Variants in NRXN1 observed in about 807,000 individuals in gnomAD.
NRXN1 encodes neurexin 1.
NRXN1 carries 39 observed loss-of-function variants against 150.9 expected under a neutral mutation model. The observed-to-expected ratio is 0.26, with a 90% CI of 0.20 to 0.34. The LOEUF (loss-of-function observed/expected upper bound fraction) is 0.34, where lower values mean the gene tolerates loss of function less well. NRXN1 is among the 10% of genes least tolerant of loss of function. The pLI is 1.00. For synonymous variants in NRXN1, 924 were observed against 757.0 expected, an observed-to-expected ratio of 1.22 and a Z score of -3.62; for missense variants, 1,815 against 1,949.9, an observed-to-expected ratio of 0.93 and a Z score of 1.30.
At chr2:50,261,250 T>C (rs1238519660) in intron 17 of NRXN1, among the ~76,000 whole-genome samples, 1 of 151,772 alleles carries the variant, frequency 6.6e-6, no homozygotes, top group East Asian at 1.9e-4. Flanking sequence ...AGGCCAAATT[T>C]GACCCTGAAA....
chr2:50,592,458 G>C (rs1054923009), intron 8 of NRXN1, among the ~76,000 whole-genome samples: 2 of 152,210 alleles, frequency 1.3e-5, no homozygotes, highest in African/African-American at 4.8e-5. Flanking sequence ...TCTATGAGCT[G>C]AGAGACAGTC....
intron 17 of NRXN1, among the ~76,000 whole-genome samples, chr2:50,271,835 G>C (rs1449848189): frequency 1.1e-4 from 17 of 151,826 alleles, no homozygotes; most frequent in Non-Finnish European, 2.5e-4. Flanking sequence ...TTTTTAAAAA[G>C]ACAAGAGAAA....
At chr2:50,807,573 G>A (rs1364752434) in intron 5 of NRXN1, among the ~76,000 whole-genome samples, 3 of 152,118 alleles carry the variant, frequency 2.0e-5, no homozygotes, top group Non-Finnish European at 2.9e-5. Flanking sequence ...CTTGTTAACA[G>A]TGTTTCCCCA....
At chr2:50,189,969 T>C (rs962718651) in intron 18 of NRXN1, among the ~76,000 whole-genome samples, 1 of 152,136 alleles carries the variant, frequency 6.6e-6, no homozygotes, top group Non-Finnish European at 1.5e-5. Context: ...CAATATACAA[T>C]CATCTTGAAT....
chr2:50,213,790 T>A (rs1177794381), intron 18 of NRXN1, among the ~76,000 whole-genome samples: 1 of 151,942 alleles, frequency 6.6e-6, no homozygotes, highest in East Asian at 1.9e-4. Context: ...TGGTTTCAAC[T>A]TTTTTCATCA....
At chr2:50,329,199 GA>G (rs2076582891) in intron 17 of NRXN1, among the ~76,000 whole-genome samples, 1 of 152,060 alleles carries the variant, frequency 6.6e-6, no homozygotes, top group Non-Finnish European at 1.5e-5. Flanking sequence ...CATCAATAAA[GA>G]ATTCTTGCAA....
chr2:50,364,436 A>G (rs1417252554), intron 17 of NRXN1, among the ~76,000 whole-genome samples: 2 of 152,288 alleles, frequency 1.3e-5, no homozygotes, highest in East Asian at 3.9e-4. Flanking sequence ...GTTTTGGAGC[A>G]TGTGTGATCC....
chr2:50,591,381 C>CAGGT (rs70948721), intron 8 of NRXN1, among the ~76,000 whole-genome samples: 4 of 134,722 alleles, frequency 3.0e-5, no homozygotes, highest in African/African-American at 8.3e-5. Context: ...CACTATATAT[C>CAGGT]AGATAGATAG....
chr2:50,156,426 CT>C (rs1329782130), intron 18 of NRXN1, among the ~76,000 whole-genome samples: 1 of 151,846 alleles, frequency 6.6e-6, no homozygotes, highest in Non-Finnish European at 1.5e-5. Flanking sequence ...CATTGTTTGA[CT>C]TTTCTTACTT....
chr2:50,010,041 G>A (rs17494124), intron 21 of NRXN1, among the ~76,000 whole-genome samples: 71,264 of 151,460 alleles, frequency 0.47, 17,353 homozygotes, highest in Middle Eastern at 0.61. Flanking sequence ...CATAGCAGAC[G>A]ATACAACTAC....
intron 17 of NRXN1, among the ~76,000 whole-genome samples, chr2:50,310,251 T>G (rs1014395847): frequency 5.3e-5 from 8 of 152,200 alleles, no homozygotes; most frequent in Admixed American, 5.2e-4. Context: ...ATAAGTTAAC[T>G]GACCACTTGG....
At chr2:50,616,425 C>T (rs1679065873) in intron 8 of NRXN1, 2 of 152,048 alleles carry the variant, frequency 1.3e-5, no homozygotes, top group African/African-American at 4.8e-5. Flanking sequence ...AGGGAAAGAC[C>T]TAAGTTGCTT....
chr2:50,465,620 C>A, intron 16 of NRXN1, 59 bp from the exon 17 acceptor site: 1 of 1,528,768 alleles, frequency 6.5e-7, no homozygotes. Context: ...GCATTTTATA[C>A]ATGAGCTAGA....
At chr2:50,806,824 T>C (rs1214818815) in intron 5 of NRXN1, among the ~76,000 whole-genome samples, 1 of 152,182 alleles carries the variant, frequency 6.6e-6, no homozygotes, top group African/African-American at 2.4e-5. Flanking sequence ...AAATACATAA[T>C]TTGAAACTTG....
intron 17 of NRXN1, among the ~76,000 whole-genome samples, chr2:50,388,099 G>A (rs375377876): frequency 9.9e-5 from 15 of 152,232 alleles, no homozygotes; most frequent in African/African-American, 3.4e-4. Flanking sequence ...TACATGCTGA[G>A]TAAACCATTT....
intron 5 of NRXN1, among the ~76,000 whole-genome samples, chr2:50,796,862 G>A (rs998739937): frequency 1.2e-4 from 18 of 152,226 alleles, no homozygotes; most frequent in Admixed American, 1.1e-3. Flanking sequence ...GAAATTTATT[G>A]TTCTCAGTTT....
intron 5 of NRXN1, among the ~76,000 whole-genome samples, chr2:50,897,525 TAAGTG>T (rs1682184477): frequency 6.6e-6 from 1 of 152,212 alleles, no homozygotes; most frequent in African/African-American, 2.4e-5. Flanking sequence ...GAACATGATT[TAAGTG>T]AAGAAATAAA....
At position 50,959,210 on chromosome 2, in the gene NRXN1, A is replaced by T. The variant is rs141121303; in HGVS notation, c.773-33255T>A. On this transcript the variant is annotated intron_variant, in intron 2 of 22. Transcript: ENST00000401669. ...GGAAAGCAGTCTGGTAGGTTCTTAA[A>T]ATGTTAAATATACAGTTACCACATG... Among the ~76,000 whole-genome samples, 175 of 152,184 alleles carry T rather than the reference A, an allele frequency of 1.1e-3. 2 individuals carry two copies. The highest frequency in any genetic ancestry group is 4.0e-3 in the African/African-American group (166 of 41,544).
At chr2:49,954,498 A>G (rs1674577759) in intron 21 of NRXN1, among the ~76,000 whole-genome samples, 1 of 152,168 alleles carries the variant, frequency 6.6e-6, no homozygotes, top group Non-Finnish European at 1.5e-5. Flanking sequence ...TGTTAAAACT[A>G]CAGCATATAA....
Sources: allele counts gnomAD v4.1 joint callset (sites outside exome capture counted in the v4.1 genomes callset), GRCh38; gene constraint gnomAD v4.1.1; transcripts MANE v1.5; gene names NCBI Gene and HGNC (gene_info 2026-07-23, HGNC 2026-07-21).